SLC12A3: variants seen among roughly 807,000 people sequenced by gnomAD.
SLC12A3 encodes the protein solute carrier family 12 member 3.
A neutral mutation model predicts 121.0 loss-of-function variants in SLC12A3; 104 were observed. The observed-to-expected ratio is 0.86, with a 90% CI of 0.73 to 1.01. SLC12A3 has a LOEUF of 1.01. Ranked by LOEUF, SLC12A3 falls within the 50% of genes least tolerant of loss-of-function variation. The pLI is 0.00. For missense variants in SLC12A3, 1,328 were observed against 1,356.3 expected (o/e 0.98, Z 0.33); for synonymous variants, 536 against 533.4 (o/e 1.00, Z -0.07).
In SLC12A3 at chr16:56,880,164, G is replaced by T. The variant is rs2055219923; in HGVS notation, c.1478G>T (p.Gly493Val). The change falls in exon 12 of 26, where the codon GGC (glycine) becomes GTC (valine). Residue 493 changes from glycine (G) to valine (V), a missense_variant. Coordinates refer to ENST00000563236, the MANE Select transcript of SLC12A3 (RefSeq NM_001126108.2). ...GAGGACCAGCTGTACCCACTGATCG[G>T]CTTCTTCGGCAAAGGCTATGGCAAG... is the stretch of plus-strand genomic sequence containing the variant. The part of the protein sequence containing the change: ...LCEDQLYPLI[G>V]FFGKGYGKNK... The T allele has an allele frequency of 3.1e-6, 5 of 1,606,310 alleles. No individual in the cohort carries two copies. Among genetic ancestry groups the T allele is most frequent in the Non-Finnish European group, 4.2e-6 (5 of 1,177,312 alleles).
Position 56,913,515 on chromosome 16 carries a change from G to A in SLC12A3, c.*110G>A. On this transcript the variant is annotated 3_prime_UTR_variant, in exon 26 of 26. Coordinates refer to ENST00000563236, the MANE Select transcript of SLC12A3 (RefSeq NM_001126108.2). ...CTCATGTTCTGTTGCACTTTAAGTG[G>A]CAGCATCTGATGATCTCACCGAAAA... The A allele has an allele frequency of 8.8e-7, 1 of 1,132,506 alleles. No individual in the cohort carries two copies. The allele number at this position is 1,132,506 out of a possible 1,614,324, so 70.2% of individuals were successfully genotyped here.
chr16:56,909,494 A>G (rs909836959), intron 25 of SLC12A3, among the ~76,000 whole-genome samples: 15 of 150,184 alleles, frequency 1.0e-4, no homozygotes, highest in African/African-American at 3.4e-4. Context: ...ATTTGCCAAT[A>G]CAAGTAATTA....
chr16:56,913,143 TG>T, intron 25 of SLC12A3, 120 bp from the exon 26 acceptor site: 1 of 1,276,648 alleles, frequency 7.8e-7, no homozygotes. Flanking sequence ...ATTCTTAGGG[TG>T]GGTGGAAGGA....
intron 25 of SLC12A3, among the ~76,000 whole-genome samples, chr16:56,911,571 C>T (rs1269498785): frequency 6.6e-6 from 1 of 152,132 alleles, no homozygotes; most frequent in African/African-American, 2.4e-5. Flanking sequence ...GTGATCTGCC[C>T]ACCTCGGCCT....
chr16:56,880,360 C>A (rs2055224665), intron 12 of SLC12A3, 107 bp downstream of exon 12: 2 of 1,394,616 alleles, frequency 1.4e-6, no homozygotes, highest in Non-Finnish European at 1.9e-6. Flanking sequence ...CCCCGCCGGG[C>A]CTGACAGTTA....
intron 8 of SLC12A3, among the ~76,000 whole-genome samples, chr16:56,877,551 G>A (rs1388726715): frequency 8.5e-5 from 13 of 152,180 alleles, no homozygotes; most frequent in African/African-American, 2.4e-4. Context: ...GATTGAACAC[G>A]CTGTGAGGGC....
Position 56,872,428 on chromosome 16 carries a change from G to A in SLC12A3, c.930G>A (p.Glu310=). 2 of 1,614,134 alleles carry A rather than the reference G, an allele frequency of 1.2e-6. No individual in the cohort carries two copies. The highest frequency in any genetic ancestry group is 1.7e-6 in the Non-Finnish European group (2 of 1,180,046). The change falls in exon 7 of 26, where the codon GAG becomes GAA. Residue 310 remains glutamate, a synonymous_variant. Coordinates refer to ENST00000563236, the MANE Select transcript of SLC12A3 (RefSeq NM_001126108.2). ...TGGGGACGCTGATCCCCCCATCTGA[G>A]GACAAGGCCTCCAAAGGCTTCTTCA... ...YLVGTLIPPS[E]DKASKGFFSY...
intron 3 of SLC12A3, 123 bp downstream of exon 3, chr16:56,868,495 A>C: frequency 1.5e-5 from 14 of 949,630 alleles, no homozygotes; most frequent in Admixed American, 2.0e-5. Context: ...GCAGAGACCA[A>C]ACGGCCAGGC....
At chr16:56,868,153 G>A (rs996740654) in intron 2 of SLC12A3, 144 bp from the exon 3 acceptor site, 9 of 754,716 alleles carry the variant, frequency 1.2e-5, no homozygotes, top group African/African-American at 1.7e-5. Context: ...AACCAGACTC[G>A]GAACCTACTG....
chr16:56,896,735 G>C (rs779829638), intron 22 of SLC12A3, among the ~76,000 whole-genome samples: 2 of 152,172 alleles, frequency 1.3e-5, no homozygotes, highest in African/African-American at 2.4e-5. Flanking sequence ...TGAAAGAACA[G>C]ATGCTATCTC....
Position 56,902,471 on chromosome 16 carries a change from A to T in SLC12A3, c.2819A>T (p.Lys940Met). 6.5e-7 allele frequency: 1 copy of T among 1,531,758 alleles called. No homozygotes were observed. The highest frequency in any genetic ancestry group is 8.9e-7 in the Non-Finnish European group (1 of 1,126,998). 94.9% of individuals were successfully genotyped at this position (1,531,758 alleles called of 1,614,324 possible). A position where few individuals can be genotyped will look rare whatever the true frequency, so the allele number is the denominator to read the frequency against. The change falls in exon 24 of 26, where the codon AAG (lysine) becomes ATG (methionine). Residue 940 changes from lysine (K) to methionine (M), a missense_variant. Physicochemically the swap from Lys to Met is moderately conservative, Grantham distance 95. Coordinates refer to ENST00000563236, the MANE Select transcript of SLC12A3 (RefSeq NM_001126108.2). The part of the protein sequence containing the change: ...VNEMRRDCPW[K>M]ISDEEITKNR... ...GAGATGCGGCGGGACTGCCCCTGGA[A>T]GATCTCAGATGAGGAGATTACGAAG...
At chr16:56,869,250 TC>T (rs1251114873) in intron 3 of SLC12A3, among the ~76,000 whole-genome samples, 3 of 152,138 alleles carry the variant, frequency 2.0e-5, no homozygotes, top group African/African-American at 7.2e-5. Context: ...GAGGGTAGCT[TC>T]CCCTCCATAC....
rs574662432 is a variant in SLC12A3, at chr16:56,897,903, C to T, written c.2634-1627C>T. On this transcript the variant is annotated intron_variant, in intron 22 of 25. Coordinates refer to ENST00000563236, the MANE Select transcript of SLC12A3 (RefSeq NM_001126108.2). ...CTGCACACCAAGACAAATCTGCCCA[C>T]GGCTCTGCTTTCAAAATTTCACTCC... Among the ~76,000 whole-genome samples the T allele has an allele frequency of 4.6e-5, 7 of 152,244 alleles. No homozygotes were observed. In the East Asian group the frequency reaches 5.8e-4, roughly 13 times the overall value.
chr16:56,875,999 A>G (rs897260075), intron 8 of SLC12A3, among the ~76,000 whole-genome samples: 18 of 151,846 alleles, frequency 1.2e-4, no homozygotes, highest in Non-Finnish European at 2.2e-4. Flanking sequence ...ACAGACCTAT[A>G]TTCCCTCCCC....
chr16:56,908,558 G>A (rs759369940), intron 25 of SLC12A3, among the ~76,000 whole-genome samples: 4 of 152,184 alleles, frequency 2.6e-5, no homozygotes, highest in Non-Finnish European at 5.9e-5. Flanking sequence ...ATGTCAAGAC[G>A]GTGAGAGCAG....
intron 10 of SLC12A3, 89 bp downstream of exon 10, chr16:56,879,316 G>T (rs1397168798): frequency 6.4e-7 from 1 of 1,558,050 alleles, no homozygotes; most frequent in African/African-American, 1.4e-5. Context: ...TTGTTGGGGG[G>T]ACATAGTTTT....
intron 8 of SLC12A3, among the ~76,000 whole-genome samples, chr16:56,876,062 C>G (rs1357714473): frequency 6.6e-6 from 1 of 152,028 alleles, no homozygotes; most frequent in African/African-American, 2.4e-5. Flanking sequence ...CAAGCTCCCC[C>G]TGAAAACCCA....
intron 25 of SLC12A3, among the ~76,000 whole-genome samples, chr16:56,906,182 C>T (rs1459893832): frequency 6.6e-6 from 1 of 152,244 alleles, no homozygotes; most frequent in Admixed American, 6.5e-5. Flanking sequence ...GCAACTCAAA[C>T]TATTTTCCCC....
At chr16:56,887,160 T>C in intron 17 of SLC12A3, 67 bp downstream of exon 17, 1 of 1,606,446 alleles carries the variant, frequency 6.2e-7, no homozygotes, top group Non-Finnish European at 8.5e-7. Context: ...AGGCAGAAAG[T>C]CTTGGCGGCC....
Sources: gnomAD v4.1 joint callset for allele counts (sites outside exome capture counted in the v4.1 genomes callset) on GRCh38, gnomAD v4.1.1 for gene constraint, MANE v1.5 for transcripts, NCBI Gene and HGNC (gene_info 2026-07-23, HGNC 2026-07-21) for gene names.